The following DOCK3 variants were observed in gnomAD, a reference collection of about 807,000 sequenced individuals.
The protein encoded by DOCK3 is dedicator of cytokinesis 3, also known as dedicator of cytokinesis protein 3.
A neutral mutation model predicts 265.6 loss-of-function variants in DOCK3; 60 were observed. That is an observed-to-expected ratio of 0.23 (90% CI 0.18 to 0.28). The LOEUF (loss-of-function observed/expected upper bound fraction) is 0.28. DOCK3 is among the 10% of genes least tolerant of loss of function. DOCK3 has a pLI of 1.00. For synonymous variants in DOCK3, 881 were observed against 938.0 expected, an observed-to-expected ratio of 0.94 and a Z score of 1.11; for missense variants, 1,981 against 2,594.3, an observed-to-expected ratio of 0.76 and a Z score of 5.14.
intron 2 of DOCK3, among the ~76,000 whole-genome samples, chr3:50,788,625 G>A (rs541087866): frequency 6.6e-6 from 1 of 152,328 alleles, no homozygotes; most frequent in African/African-American, 2.4e-5. Context: ...ACAACCTCCA[G>A]CCAGGCTGGC....
chr3:51,304,254 C>T (rs146671496), intron 27 of DOCK3, among the ~76,000 whole-genome samples: 3 of 152,182 alleles, frequency 2.0e-5, no homozygotes, highest in Non-Finnish European at 4.4e-5. Flanking sequence ...CCAGCACCAG[C>T]AGGGGAAAAA....
At position 51,374,644 on chromosome 3, in the gene DOCK3, C is replaced by T; in HGVS notation, c.5412+57C>T. ...CTGCAAGTGTGTTAGCCTGTGCTTCCCTCCTTGCATTTGCGGGGCCTTCTG... is the reference window on the plus strand; with the variant it reads ...CTGCAAGTGTGTTAGCCTGTGCTTCTCTCCTTGCATTTGCGGGGCCTTCTG... On this transcript the variant is annotated intron_variant, in intron 50 of 52. Coordinates refer to ENST00000266037, the MANE Select transcript of DOCK3 (RefSeq NM_004947.5). This position sits in a 1 kb window ranked among gnomAD's most constrained non-coding sequence, Gnocchi z 4.8. The T allele has an allele frequency of 6.6e-7, 1 of 1,506,488 alleles. No individual in the cohort carries two copies. Among genetic ancestry groups the T allele is most frequent in the Non-Finnish European group, 9.1e-7 (1 of 1,100,540 alleles). 93.3% of individuals were successfully genotyped at this position (1,506,488 alleles called of 1,614,324 possible). A position where few individuals can be genotyped will look rare whatever the true frequency, so the allele number is the denominator to read the frequency against.
intron 5 of DOCK3, among the ~76,000 whole-genome samples, chr3:51,027,537 T>C (rs2079871996): frequency 6.6e-6 from 1 of 152,150 alleles, no homozygotes; most frequent in Non-Finnish European, 1.5e-5. Context: ...GTCAATGGGG[T>C]TTTGAAGTCT....
chr3:50,884,899 T>G (rs926088105), intron 3 of DOCK3, among the ~76,000 whole-genome samples: 17 of 152,138 alleles, frequency 1.1e-4, no homozygotes, highest in African/African-American at 3.6e-4. Context: ...ACTATTAATA[T>G]TATTTGTTAT....
rs1237072977 is a variant in DOCK3, at chr3:51,374,758, C to G, written c.5412+171C>G. ...ATGTGGAGTGCAGTGAACCTGAGGACCAGCAATCCAGACAGAGTGTAGGCG... is the reference window on the plus strand; with the variant it reads ...ATGTGGAGTGCAGTGAACCTGAGGAGCAGCAATCCAGACAGAGTGTAGGCG... On this transcript the variant is annotated intron_variant, in intron 50 of 52. Transcript: ENST00000266037. The surrounding 1 kb of genome is among the most constrained non-coding windows in gnomAD (Gnocchi z 4.8). Among the ~76,000 whole-genome samples, 1 of 152,210 alleles carries G rather than the reference C, an allele frequency of 6.6e-6. No individual in the cohort carries two copies. The highest frequency in any genetic ancestry group is 2.4e-5 in the African/African-American group (1 of 41,458).
At chr3:51,273,987 A>T (rs1259678853) in intron 24 of DOCK3, among the ~76,000 whole-genome samples, 1 of 152,182 alleles carries the variant, frequency 6.6e-6, no homozygotes, top group Non-Finnish European at 1.5e-5. Context: ...CATTCTACAG[A>T]TGAGGAAAAT....
chr3:51,189,310 T>TA (rs1387889935), intron 12 of DOCK3, among the ~76,000 whole-genome samples: 1 of 152,178 alleles, frequency 6.6e-6, no homozygotes, highest in Non-Finnish European at 1.5e-5. Context: ...GGTTTTGGGT[T>TA]ACATGGATGA....
chr3:50,976,911 C>G (rs2077471645), intron 5 of DOCK3, among the ~76,000 whole-genome samples: 1 of 150,600 alleles, frequency 6.6e-6, no homozygotes, highest in African/African-American at 2.4e-5. Flanking sequence ...CCTTCTTTGT[C>G]TCTTTTGATC....
chr3:51,338,240 G>C, intron 35 of DOCK3, 119 bp from the exon 36 acceptor site: 2 of 1,104,496 alleles, frequency 1.8e-6, no homozygotes, highest in South Asian at 2.9e-5. Context: ...AGCAGTTCCT[G>C]TTGGAGGCCA....
At chr3:50,957,993 T>C (rs984978882) in intron 5 of DOCK3, among the ~76,000 whole-genome samples, 1 of 152,226 alleles carries the variant, frequency 6.6e-6, no homozygotes, top group Admixed American at 6.5e-5. Flanking sequence ...AGTTGGTTTC[T>C]TTCTGTAGAT....
intron 5 of DOCK3, among the ~76,000 whole-genome samples, chr3:51,007,344 T>C (rs1357828331): frequency 6.6e-6 from 1 of 152,178 alleles, no homozygotes; most frequent in Non-Finnish European, 1.5e-5. Flanking sequence ...TATCTCATTG[T>C]GGTTTTGATT....
chr3:50,788,113 A>G, intron 2 of DOCK3: 2 of 763,762 alleles, frequency 2.6e-6, no homozygotes, highest in South Asian at 1.8e-5. Context: ...ACACAGAATA[A>G]GGACTTCCTG....
chr3:51,273,669 A>C (rs1186887914), intron 24 of DOCK3, among the ~76,000 whole-genome samples: 1 of 152,228 alleles, frequency 6.6e-6, no homozygotes, highest in African/African-American at 2.4e-5. Context: ...GCATTTGACA[A>C]GGCAGTGCCC....
At chr3:51,029,991 C>T (rs1310201288) in intron 5 of DOCK3, among the ~76,000 whole-genome samples, 7 of 151,988 alleles carry the variant, frequency 4.6e-5, no homozygotes, top group East Asian at 1.9e-4. Flanking sequence ...GGGCCAGAGG[C>T]GCTCTCCAGC....
chr3:50,806,628 C>T (rs1030556262), intron 2 of DOCK3, among the ~76,000 whole-genome samples: 63 of 151,952 alleles, frequency 4.1e-4, no homozygotes, highest in African/African-American at 1.4e-3. Flanking sequence ...GGTTTCCCTG[C>T]TGTGCAGGAC....
chr3:50,684,899 A>G (rs2034672317), intron 1 of DOCK3, among the ~76,000 whole-genome samples: 2 of 152,214 alleles, frequency 1.3e-5, no homozygotes, highest in South Asian at 4.1e-4. Context: ...TTCTGATTAC[A>G]TAACGTATAT....
intron 12 of DOCK3, among the ~76,000 whole-genome samples, chr3:51,195,976 C>G (rs932437200): frequency 2.0e-5 from 3 of 151,962 alleles, no homozygotes; most frequent in African/African-American, 7.3e-5. Flanking sequence ...CACTCTGTCA[C>G]CCAGGTGGGA....
At chr3:51,283,692 C>T (rs955637547) in intron 27 of DOCK3, among the ~76,000 whole-genome samples, 1 of 152,192 alleles carries the variant, frequency 6.6e-6, no homozygotes, top group African/African-American at 2.4e-5. Context: ...TAATTTCAGA[C>T]AAACTCCTCT....
At chr3:50,762,024 C>A (rs538554239) in intron 1 of DOCK3, among the ~76,000 whole-genome samples, 7 of 152,194 alleles carry the variant, frequency 4.6e-5, no homozygotes, top group African/African-American at 1.7e-4. Context: ...CCAAACACCG[C>A]ATGTTCTCAC....
Sources: allele counts gnomAD v4.1 joint callset (sites outside exome capture counted in the v4.1 genomes callset), GRCh38; gene constraint gnomAD v4.1.1; non-coding constraint Gnocchi (gnomAD v3.1); transcripts MANE v1.5; gene names NCBI Gene and HGNC (gene_info 2026-07-23, HGNC 2026-07-21).